The following CTDSPL2 variants were observed in gnomAD, a reference collection of about 807,000 sequenced individuals.
The protein encoded by CTDSPL2 is CTD small phosphatase-like protein 2.
CTDSPL2 carries 5 observed loss-of-function variants against 60.0 expected under a neutral mutation model. That is an observed-to-expected ratio of 0.08 (90% confidence interval 0.04 to 0.18). CTDSPL2 has a LOEUF of 0.18. Among genes scored for constraint, CTDSPL2 ranks in the 10% least tolerant of loss-of-function variants. The pLI is 1.00. For missense variants in CTDSPL2, 370 were observed against 548.8 expected (o/e 0.67, Z 3.26); for synonymous variants, 186 against 189.3 (o/e 0.98, Z 0.14).
At chr15:44,454,384 T>C (rs968912594) in intron 1 of CTDSPL2, among the ~76,000 whole-genome samples, 6 of 152,276 alleles carry the variant, frequency 3.9e-5, no homozygotes, top group South Asian at 2.1e-4. Context: ...GTTGCCTGTT[T>C]ACTCTGATGG....
chr15:44,492,891 T>A (rs1179297544), intron 5 of CTDSPL2, among the ~76,000 whole-genome samples: 1 of 152,212 alleles, frequency 6.6e-6, no homozygotes, highest in Non-Finnish European at 1.5e-5. Flanking sequence ...AGACTAAAGT[T>A]CAGGGCTTTG....
intron 2 of CTDSPL2, among the ~76,000 whole-genome samples, chr15:44,464,327 T>C (rs2080639226): frequency 6.6e-6 from 1 of 152,202 alleles, no homozygotes. Context: ...GGTTAAATAA[T>C]AACTTGCGCA....
At chr15:44,429,200 TAAAG>T (rs1264844220) in intron 1 of CTDSPL2, among the ~76,000 whole-genome samples, 4 of 152,170 alleles carry the variant, frequency 2.6e-5, no homozygotes, top group Admixed American at 6.5e-5. Context: ...CCCAAGGTCA[TAAAG>T]AAAGTCAAGG....
chr15:44,462,734 T>TC lies in CTDSPL2; in HGVS notation c.186+3535dup, dbSNP rs558016826. ...TTTTTTTTTTTTTTTTGAGACGGAG[T>TC]CTTGGTCTGTTGCCCAGGGTGGAGT... On this transcript the variant is annotated intron_variant, in intron 2 of 12. Coordinates refer to ENST00000260327, the MANE Select transcript of CTDSPL2 (RefSeq NM_016396.3). Among the ~76,000 whole-genome samples the TC allele has an allele frequency of 4.0e-3, 527 of 130,360 alleles. 3 individuals carry two copies. The highest frequency in any genetic ancestry group is 0.015 in the African/African-American group (498 of 33,254). 85.5% of individuals were successfully genotyped at this position (130,360 alleles called of 152,430 possible). A position where few individuals can be genotyped will look rare whatever the true frequency, so the allele number is the denominator to read the frequency against.
At chr15:44,478,970 T>C (rs2080974014) in intron 2 of CTDSPL2, among the ~76,000 whole-genome samples, 1 of 151,334 alleles carries the variant, frequency 6.6e-6, no homozygotes, top group Non-Finnish European at 1.5e-5. Flanking sequence ...CAAAAACAAA[T>C]AAAAAATAAT....
At position 44,427,790 on chromosome 15, in the gene CTDSPL2, G is replaced by T; in HGVS notation, c.-25+18G>T. 1 of 398,884 alleles carries T rather than the reference G, an allele frequency of 2.5e-6. No individual in the cohort carries two copies. The highest frequency in any genetic ancestry group is 4.4e-6 in the Non-Finnish European group (1 of 226,170). The allele number at this position is 398,884 out of a possible 1,614,324, so 24.7% of individuals were successfully genotyped here. A position where few individuals can be genotyped will look rare whatever the true frequency, so the allele number is the denominator to read the frequency against. On this transcript the variant is annotated intron_variant, in intron 1 of 12. Transcript: ENST00000260327. ...ACAGTTAGGTAATCCCCTTCGTCCA[G>T]ACGCCGCCGCTGCTTCCAATCTCAG...
intron 1 of CTDSPL2, among the ~76,000 whole-genome samples, chr15:44,442,781 C>T (rs1206083654): frequency 6.6e-6 from 1 of 151,952 alleles, no homozygotes; most frequent in Admixed American, 6.6e-5. Flanking sequence ...TTTGAGACCA[C>T]CCTGGGCAAT....
chr15:44,438,294 T>C (rs1028409469), intron 1 of CTDSPL2, among the ~76,000 whole-genome samples: 2 of 150,602 alleles, frequency 1.3e-5, no homozygotes, highest in African/African-American at 4.9e-5. Flanking sequence ...TGGCAGCAAA[T>C]AGCAATGAAA....
At chr15:44,477,813 G>A (rs910405485) in intron 2 of CTDSPL2, among the ~76,000 whole-genome samples, 2 of 151,904 alleles carry the variant, frequency 1.3e-5, no homozygotes, top group Admixed American at 6.6e-5. Flanking sequence ...ACTCCATCCT[G>A]GGCAGCAAGA....
intron 2 of CTDSPL2, chr15:44,470,536 C>T (rs922637840): frequency 6.6e-6 from 1 of 152,030 alleles, no homozygotes; most frequent in Non-Finnish European, 1.5e-5. Flanking sequence ...CAACCTCCAC[C>T]TCCTGGATTC....
chr15:44,440,222 G>A lies in CTDSPL2; in HGVS notation c.-25+12450G>A, dbSNP rs181115689. 2.0e-3 allele frequency among the ~76,000 whole-genome samples: 294 copies of A among 149,064 alleles called. 1 individual carries two copies. Among genetic ancestry groups the A allele is most frequent in the Non-Finnish European group, 3.9e-3 (263 of 67,480 alleles). ...GTGTTTTTTTTTTTTTTGAGATGGA[G>A]TCTTGCTCTGTTGCCCAGGCTGGAG... On this transcript the variant is annotated intron_variant, in intron 1 of 12. Transcript: ENST00000260327.
Position 44,519,623 on chromosome 15 carries a change from CT to C in CTDSPL2, c.1239+330del, listed in dbSNP as rs533740693. 974 of 180,356 alleles carry C rather than the reference CT, an allele frequency of 5.4e-3. 10 individuals carry two copies. The highest frequency in any genetic ancestry group is 0.021 in the African/African-American group (893 of 42,214). 11.2% of individuals were successfully genotyped at this position (180,356 alleles called of 1,614,324 possible). A position where few individuals can be genotyped will look rare whatever the true frequency, so the allele number is the denominator to read the frequency against. ...TTGAGTACTATAGTTAGTTTATGTT[CT>C]TCTGGTCTGGTTATTTGGTTTAATG... is the stretch of plus-strand genomic sequence containing the variant. On this transcript the variant is annotated intron_variant, in intron 11 of 12. Transcript: ENST00000260327.
chr15:44,441,319 A>G (rs2141279569), intron 1 of CTDSPL2, among the ~76,000 whole-genome samples: 1 of 152,208 alleles, frequency 6.6e-6, no homozygotes, highest in African/African-American at 2.4e-5. Flanking sequence ...GTTCCCTAGA[A>G]GAGAAGGATC....
At chr15:44,457,421 T>C (rs2080470368) in intron 1 of CTDSPL2, among the ~76,000 whole-genome samples, 1 of 152,194 alleles carries the variant, frequency 6.6e-6, no homozygotes, top group Non-Finnish European at 1.5e-5. Flanking sequence ...ATGAACCAAA[T>C]AGTGCTAGCT....
At chr15:44,506,547 G>C (rs1467662236) in intron 8 of CTDSPL2, among the ~76,000 whole-genome samples, 1 of 149,670 alleles carries the variant, frequency 6.7e-6, no homozygotes, top group Non-Finnish European at 1.5e-5. Flanking sequence ...CTCCCAAACA[G>C]TAGCTGGGAC....
At chr15:44,521,740 C>T (rs546858897) in intron 12 of CTDSPL2, among the ~76,000 whole-genome samples, 49 of 151,496 alleles carry the variant, frequency 3.2e-4, no homozygotes, top group African/African-American at 1.2e-3. Flanking sequence ...AGATCGAGAC[C>T]ATCCTGGCTA....
intron 2 of CTDSPL2, among the ~76,000 whole-genome samples, chr15:44,470,097 CAAAAA>C (rs886463524): frequency 1.8e-5 from 1 of 54,152 alleles, no homozygotes; most frequent in African/African-American, 5.3e-5. Flanking sequence ...GACTCTGTCT[CAAAAA>C]AAAAAAAAAA....
intron 5 of CTDSPL2, 115 bp downstream of exon 5, chr15:44,491,114 T>A: frequency 1.3e-6 from 1 of 766,432 alleles, no homozygotes; most frequent in South Asian, 2.2e-5. Flanking sequence ...TTCCTGGAAG[T>A]TAAGAAAAAG....
intron 1 of CTDSPL2, among the ~76,000 whole-genome samples, chr15:44,430,596 A>T (rs1432142545): frequency 6.6e-6 from 1 of 152,176 alleles, no homozygotes; most frequent in East Asian, 1.9e-4. Flanking sequence ...CTTTAGATTG[A>T]TGAGATAATG....
Sources: gnomAD v4.1 joint callset for allele counts (sites outside exome capture counted in the v4.1 genomes callset) on GRCh38, gnomAD v4.1.1 for gene constraint, MANE v1.5 for transcripts, NCBI Gene and HGNC (gene_info 2026-07-23, HGNC 2026-07-21) for gene names.